TENT5D: variants seen among roughly 807,000 people sequenced by gnomAD.
The protein encoded by TENT5D is terminal nucleotidyltransferase 5D.
For synonymous variants in TENT5D, 103 were observed against 100.6 expected (o/e 1.02, Z -0.15); for missense variants, 191 against 287.0 (o/e 0.67, Z 2.42).
At chrX:80,343,068 T>G (rs904127590) in intron 3 of TENT5D, among the ~76,000 whole-genome samples, 2 of 111,717 alleles carry the variant, frequency 1.8e-5, no homozygotes, top group African/African-American at 6.5e-5. Flanking sequence ...CAGAATAGGA[T>G]CTACAGGAAT....
At chrX:80,342,667 C>T (rs1929982613) in intron 3 of TENT5D, 1 of 111,218 alleles carries the variant, frequency 9.0e-6, no homozygotes, top group Non-Finnish European at 1.9e-5. Flanking sequence ...GTGAATTAAC[C>T]CTTTCATTTT....
intron 1 of TENT5D, among the ~76,000 whole-genome samples, chrX:80,428,887 G>A (rs887837486): frequency 8.9e-6 from 1 of 112,045 alleles, no homozygotes; most frequent in African/African-American, 3.2e-5. Flanking sequence ...ATTATGAAGA[G>A]CTTTTAGTGC....
intron 3 of TENT5D, among the ~76,000 whole-genome samples, chrX:80,400,378 C>G (rs958990468): frequency 9.0e-6 from 1 of 111,489 alleles, no homozygotes; most frequent in African/African-American, 3.3e-5. Context: ...AACACCCTCA[C>G]GGACACACCC....
intron 3 of TENT5D, among the ~76,000 whole-genome samples, chrX:80,354,338 A>G (rs896405471): frequency 1.1e-4 from 12 of 111,478 alleles, no homozygotes; most frequent in African/African-American, 3.6e-4. Context: ...ACGGCCAGTG[A>G]ATCATAGGTT....
upstream of TENT5D, among the ~76,000 whole-genome samples, chrX:80,418,225 C>G (rs1433947659): frequency 9.1e-6 from 1 of 110,255 alleles, no homozygotes; most frequent in African/African-American, 3.3e-5. Flanking sequence ...TCATGCTTCA[C>G]TGCAGCCTCG....
At chrX:80,398,064 C>T (rs1427823013) in intron 3 of TENT5D, among the ~76,000 whole-genome samples, 7 of 112,259 alleles carry the variant, frequency 6.2e-5, no homozygotes, top group Non-Finnish European at 1.3e-4. Flanking sequence ...TTCTCTACAT[C>T]CTCACCAGCG....
At chrX:80,346,180 A>G (rs1192976878) in intron 3 of TENT5D, among the ~76,000 whole-genome samples, 4 of 112,032 alleles carry the variant, frequency 3.6e-5, no homozygotes, top group Non-Finnish European at 7.5e-5. Context: ...GGATTCATCT[A>G]TAAGTGGTTC....
At chrX:80,401,836 TAATC>T (rs1367364422) in intron 3 of TENT5D, among the ~76,000 whole-genome samples, 12 of 112,347 alleles carry the variant, frequency 1.1e-4, no homozygotes, top group Non-Finnish European at 2.3e-4. Flanking sequence ...TAAACTATGT[TAATC>T]AAGAATACTG....
At chrX:80,411,949 G>A (rs1475216685) in intron 3 of TENT5D, among the ~76,000 whole-genome samples, 1 of 112,295 alleles carries the variant, frequency 8.9e-6, no homozygotes, top group Non-Finnish European at 1.9e-5. Context: ...TAAGGACTCT[G>A]TGTGGGGGCT....
intron 3 of TENT5D, among the ~76,000 whole-genome samples, chrX:80,360,355 T>A (rs186574713): frequency 8.9e-6 from 1 of 112,072 alleles, no homozygotes; most frequent in African/African-American, 3.2e-5. Context: ...AGGAATAACA[T>A]ATAACCCAAT....
chrX:80,426,536 T>C, intron 1 of TENT5D, among the ~76,000 whole-genome samples: 1 of 111,861 alleles, frequency 8.9e-6, no homozygotes. Flanking sequence ...GAAAACCTTG[T>C]TGTGCTTTTA....
At chrX:80,407,910 C>T (rs1205165065) in intron 3 of TENT5D, among the ~76,000 whole-genome samples, 2 of 110,705 alleles carry the variant, frequency 1.8e-5, no homozygotes, top group Non-Finnish European at 3.8e-5. Flanking sequence ...TCTCTCAGAC[C>T]ACAGTACAAT....
chrX:80,426,989 C>A (rs1440707006), intron 1 of TENT5D, among the ~76,000 whole-genome samples: 4 of 111,259 alleles, frequency 3.6e-5, no homozygotes, highest in African/African-American at 1.3e-4. Flanking sequence ...TCCACTTTTG[C>A]TTCTTTCTCA....
chrX:80,389,697 A>G (rs907315255), intron 3 of TENT5D, among the ~76,000 whole-genome samples: 4 of 112,386 alleles, frequency 3.6e-5, no homozygotes, highest in African/African-American at 1.3e-4. Context: ...TGCTGCTAAT[A>G]CGTCCAGTAA....
intron 3 of TENT5D, among the ~76,000 whole-genome samples, chrX:80,361,280 T>C (rs1157005660): frequency 1.8e-5 from 2 of 111,816 alleles, no homozygotes; most frequent in Non-Finnish European, 3.8e-5. Context: ...TGGGCACAGG[T>C]AAGTTTTGAT....
upstream of TENT5D, among the ~76,000 whole-genome samples, chrX:80,417,366 G>A (rs1378990867): frequency 3.6e-5 from 4 of 109,723 alleles, no homozygotes; most frequent in African/African-American, 1.3e-4. Context: ...TCATTATGCA[G>A]ATTTGTTTGT....
chrX:80,379,376 C>T (rs1158367663), intron 3 of TENT5D, among the ~76,000 whole-genome samples: 1 of 110,178 alleles, frequency 9.1e-6, no homozygotes, highest in Non-Finnish European at 1.9e-5. Context: ...ATTTTCATAT[C>T]GCTATTCATC....
chrX:80,436,402 A>G (rs1447982805), intron 1 of TENT5D, among the ~76,000 whole-genome samples: 1 of 110,839 alleles, frequency 9.0e-6, no homozygotes, highest in African/African-American at 3.3e-5. Flanking sequence ...CTTTTTTATT[A>G]TTATTATACT....
chrX:80,352,953 C>T (rs762451786), intron 3 of TENT5D, among the ~76,000 whole-genome samples: 1 of 110,916 alleles, frequency 9.0e-6, no homozygotes, highest in East Asian at 2.9e-4. Flanking sequence ...ATTGCACTTC[C>T]TGGGTGAGTC....
Sources: gnomAD v4.1 joint callset for allele counts (sites outside exome capture counted in the v4.1 genomes callset) on GRCh38, gnomAD v4.1.1 for gene constraint, MANE v1.5 for transcripts, NCBI Gene and HGNC (gene_info 2026-07-23, HGNC 2026-07-21) for gene names.